The following VLDLR variants were observed in gnomAD, a reference collection of about 807,000 sequenced individuals.
VLDLR encodes very low density lipoprotein receptor.
Under a neutral mutation model 112.7 loss-of-function variants are expected in VLDLR, and 81 were observed. The observed-to-expected ratio is 0.72, with a 90% CI of 0.60 to 0.86. The LOEUF is 0.86. Ranked by LOEUF, VLDLR falls within the 40% of genes least tolerant of loss-of-function variation. VLDLR has a pLI of 0.00. For missense variants in VLDLR, 1,237 were observed against 1,099.4 expected, an observed-to-expected ratio of 1.13 and a Z score of -1.77; for synonymous variants, 436 against 384.8, an observed-to-expected ratio of 1.13 and a Z score of -1.56.
rs7040916 is a variant in VLDLR, at chr9:2,655,520, G to A, written c.*1652G>A. The A allele has an allele frequency of 0.25, 38,184 of 151,948 alleles. 5,682 individuals are homozygous for A. The highest frequency in any genetic ancestry group is 0.39 in the African/African-American group (16,224 of 41,400). 9.4% of individuals were successfully genotyped at this position (151,948 alleles called of 1,614,324 possible). On this transcript the variant is annotated 3_prime_UTR_variant, in exon 19 of 19. Transcript: ENST00000382100. ...AAGAGAAGATGTTTTGCGTTGCTAC[G>A]TGAATCAGTGGATGACTCATATTTC...
chr9:2,636,142 A>G (rs1366998291), intron 2 of VLDLR, among the ~76,000 whole-genome samples: 1 of 152,232 alleles, frequency 6.6e-6, no homozygotes, highest in African/African-American at 2.4e-5. Context: ...GCCATCAATC[A>G]GCATCTATTA....
rs761455179 is a variant in VLDLR, at chr9:2,643,389, G to A, written c.678G>A (p.Leu226=). 8 of 1,614,170 alleles carry A rather than the reference G, an allele frequency of 5.0e-6. No homozygotes were observed. In the South Asian group the frequency reaches 8.8e-5, roughly 18 times the overall value. The change falls in exon 5 of 19, where the codon CTG becomes CTA. Residue 226 remains leucine, a synonymous_variant. Coordinates refer to ENST00000382100, the MANE Select transcript of VLDLR (RefSeq NM_003383.5). ...GCTCCGACCAATCTGATGAGTCCCT[G>A]GAGCAGTGTGGCCGTCAGCCAGTCA... The part of the protein sequence containing the change: ...ADCSDQSDES[L]EQCGRQPVIH...
chr9:2,627,593 G>A (rs990896327), intron 1 of VLDLR, among the ~76,000 whole-genome samples: 4 of 152,042 alleles, frequency 2.6e-5, no homozygotes, highest in Admixed American at 1.3e-4. Context: ...GGCCGGGCGC[G>A]GTGGCTCAAA....
chr9:2,635,074 T>C (rs1028059420), intron 1 of VLDLR, among the ~76,000 whole-genome samples: 3 of 152,168 alleles, frequency 2.0e-5, no homozygotes, highest in African/African-American at 7.2e-5. Context: ...CCGAGATCAC[T>C]ATTCCAGCCA....
At position 2,622,096 on chromosome 9, in the gene VLDLR, C is replaced by T; in HGVS notation, c.-94C>T. ...TTCTCCCCCTTTCCCCTCCCCGCCC[C>T]CACCTTCTTCCTCCTTTCGGAAGGA... On this transcript the variant is annotated 5_prime_UTR_variant, in exon 1 of 19. Transcript: ENST00000382100. 7.8e-7 allele frequency: 1 copy of T among 1,288,292 alleles called. No homozygotes were observed. The highest frequency in any genetic ancestry group is 1.5e-5 in the South Asian group (1 of 67,094). 79.8% of individuals were successfully genotyped at this position (1,288,292 alleles called of 1,614,324 possible).
chr9:2,654,877 G>A lies in VLDLR; in HGVS notation c.*1009G>A, dbSNP rs978922498. ...AGTGCCTTCTAAGGCATGGATAAGG[G>A]CTTTCTTCTTATGAAAGTCTAGACT... On this transcript the variant is annotated 3_prime_UTR_variant, in exon 19 of 19. Transcript: ENST00000382100. 6.7e-6 allele frequency: 1 copy of A among 149,200 alleles called. No individual in the cohort carries two copies. Among genetic ancestry groups the A allele is most frequent in the East Asian group, 1.9e-4 (1 of 5,190 alleles). 9.2% of individuals were successfully genotyped at this position (149,200 alleles called of 1,614,324 possible).
chr9:2,645,809 G>T lies in VLDLR; in HGVS notation c.1484+64G>T. 5 of 1,600,548 alleles carry T rather than the reference G, an allele frequency of 3.1e-6. No homozygotes were observed. In the South Asian group the frequency reaches 5.5e-5, roughly 18 times the overall value. On this transcript the variant is annotated intron_variant, in intron 10 of 18. Coordinates refer to ENST00000382100, the MANE Select transcript of VLDLR (RefSeq NM_003383.5). ...CATTGTCACTTGGGAAGTGATCTGT[G>T]GGATAGTTTGGAGGAGTTTCTTTTG...
chr9:2,656,373 C>G lies in VLDLR; in HGVS notation c.*2505C>G, dbSNP rs1468761476. ...CTTTGGAAGGCCAAGGCAGGAGGAT[C>G]ACTTGAGGCCAGGAGTTCGAGACCA... On this transcript the variant is annotated 3_prime_UTR_variant, in exon 19 of 19. Transcript: ENST00000382100. 2 of 152,040 alleles carry G rather than the reference C, an allele frequency of 1.3e-5. No homozygotes were observed. Among genetic ancestry groups the G allele is most frequent in the South Asian group, 2.1e-4 (1 of 4,828 alleles). The allele number at this position is 152,040 out of a possible 1,614,324, so 9.4% of individuals were successfully genotyped here.
In VLDLR at chr9:2,639,850, C is replaced by T. The variant is rs1285593346; in HGVS notation, c.203-9C>T. The T allele has an allele frequency of 5.0e-6, 8 of 1,613,792 alleles. No homozygotes were observed. The highest frequency in any genetic ancestry group is 1.6e-4 in the Middle Eastern group (1 of 6,084). On this transcript the variant is annotated splice_polypyrimidine_tract_variant and intron_variant, in intron 2 of 18. Coordinates refer to ENST00000382100, the MANE Select transcript of VLDLR (RefSeq NM_003383.5). ...CTTCAACTTTAACCCTTCAAATAAA[C>T]GTTTGTAGTAAAGAAGACGTGTGCT...
chr9:2,625,538 A>C (rs1239068258), intron 1 of VLDLR, among the ~76,000 whole-genome samples: 2 of 152,240 alleles, frequency 1.3e-5, no homozygotes, highest in African/African-American at 2.4e-5. Flanking sequence ...CCACCTTCAC[A>C]TACTAGCCTA....
In VLDLR at chr9:2,659,394, G is replaced by T. The variant is rs1818722175; in HGVS notation, c.*5526G>T. The T allele has an allele frequency of 6.6e-6, 1 of 152,340 alleles. No homozygotes were observed. The highest frequency in any genetic ancestry group is 1.5e-5 in the Non-Finnish European group (1 of 68,028). The allele number at this position is 152,340 out of a possible 1,614,324, so 9.4% of individuals were successfully genotyped here. On this transcript the variant is annotated 3_prime_UTR_variant, in exon 19 of 19. Transcript: ENST00000382100. ...TGGCATCCAGTATGGTGGTGTAATG[G>T]AAGTGTACTACTAGCACTACTACAT...
chr9:2,643,497 T>C lies in VLDLR; in HGVS notation c.786T>C (p.Pro262=), dbSNP rs1469132321. The change falls in exon 5 of 19, where the codon CCT becomes CCC. Residue 262 remains proline, a synonymous_variant. Transcript: ENST00000382100. ...IHKKWRCDGD[P]DCKDGSDEVN... is the part of the protein sequence containing the mutation. ...AGAAGTGGCGATGTGATGGGGACCC[T>C]GACTGCAAGGATGGCAGTGATGAGG... 1 of 1,614,244 alleles carries C rather than the reference T, an allele frequency of 6.2e-7. No homozygotes were observed. The highest frequency in any genetic ancestry group is 8.5e-7 in the Non-Finnish European group (1 of 1,180,044).
rs550310153 is a variant in VLDLR, at chr9:2,654,328, G to C, written c.*460G>C. On this transcript the variant is annotated 3_prime_UTR_variant, in exon 19 of 19. Transcript: ENST00000382100. ...TGGGACAATGGCAATAGGACAAAAC[G>C]GGTTACTAAGATGAAATTGCCAAAA... 1 of 160,872 alleles carries C rather than the reference G, an allele frequency of 6.2e-6. No homozygotes were observed. The highest frequency in any genetic ancestry group is 1.4e-5 in the Non-Finnish European group (1 of 72,618). The allele number at this position is 160,872 out of a possible 1,614,324, so 10.0% of individuals were successfully genotyped here.
chr9:2,651,320 G>T, intron 15 of VLDLR, 95 bp from the exon 16 acceptor site: 1 of 1,071,900 alleles, frequency 9.3e-7, no homozygotes. Flanking sequence ...ATTTTACCTG[G>T]TTTTAAAATA....
intron 7 of VLDLR, among the ~76,000 whole-genome samples, 188 bp downstream of exon 7, chr9:2,644,147 TTTG>T (rs142523658): frequency 6.7e-5 from 10 of 148,930 alleles, no homozygotes; most frequent in South Asian, 2.1e-4. Flanking sequence ...AGTTTTTGTT[TTTG>T]TTGTTTTTTT....
At chr9:2,625,027 T>C (rs1033887867) in intron 1 of VLDLR, among the ~76,000 whole-genome samples, 1 of 152,222 alleles carries the variant, frequency 6.6e-6, no homozygotes, top group Admixed American at 6.5e-5. Context: ...CTGCCAAATA[T>C]TAAGACTTTA....
At chr9:2,641,605 C>A in intron 4 of VLDLR, 106 bp downstream of exon 4, 2 of 1,528,732 alleles carry the variant, frequency 1.3e-6, no homozygotes, top group Non-Finnish European at 1.8e-6. Flanking sequence ...CATTGACTCA[C>A]TTTTCAGTGA....
chr9:2,657,804 A>T lies in VLDLR; in HGVS notation c.*3936A>T, dbSNP rs1586666658. On this transcript the variant is annotated 3_prime_UTR_variant, in exon 19 of 19. Coordinates refer to ENST00000382100, the MANE Select transcript of VLDLR (RefSeq NM_003383.5). ...TCACTCTCTTAAAGAAAAGGTTTTT[A>T]GGTATTTTTGGTATTATATAGTCTC... is the stretch of plus-strand genomic sequence containing the variant. 3 of 152,208 alleles carry T rather than the reference A, an allele frequency of 2.0e-5. No individual in the cohort carries two copies. In the East Asian group the frequency reaches 5.8e-4, roughly 29 times the overall value. The allele number at this position is 152,208 out of a possible 1,614,324, so 9.4% of individuals were successfully genotyped here. A position where few individuals can be genotyped will look rare whatever the true frequency, so the allele number is the denominator to read the frequency against.
In VLDLR at chr9:2,646,539, G is replaced by A; in HGVS notation, c.1690G>A (p.Asp564Asn). 6.2e-7 allele frequency: 1 copy of A among 1,614,134 alleles called. No individual in the cohort carries two copies. The highest frequency in any genetic ancestry group is 1.3e-5 in the African/African-American group (1 of 75,034). ...GCGAGAGCCTGCCTCCATAGCTGTG[G>A]ACCCACTGTCTGGGTTTGTAGTCTG... ...DLREPASIAVDPLSGFVYWSD... is the reference protein window; with the variant it reads ...DLREPASIAVNPLSGFVYWSD... Residue 564 changes from aspartate to asparagine, a missense_variant, in exon 11 of 19, where the codon GAC becomes AAC. Coordinates refer to ENST00000382100, the MANE Select transcript of VLDLR (RefSeq NM_003383.5).
Sources: gnomAD v4.1 joint callset for allele counts (sites outside exome capture counted in the v4.1 genomes callset) on GRCh38, gnomAD v4.1.1 for gene constraint, MANE v1.5 for transcripts, NCBI Gene and HGNC (gene_info 2026-07-23, HGNC 2026-07-21) for gene names.